The following DMTN variants were observed in gnomAD, a reference collection of about 807,000 sequenced individuals.
DMTN encodes dematin.
DMTN carries 27 observed loss-of-function variants against 59.4 expected under a neutral mutation model. The observed-to-expected ratio is 0.45, with a 90% CI of 0.33 to 0.63. DMTN has a LOEUF of 0.63. DMTN is among the 20% of genes least tolerant of loss of function. DMTN has a pLI of 0.02. For synonymous variants in DMTN, 221 were observed against 203.7 expected (o/e 1.08, Z -0.72); for missense variants, 451 against 528.9 (o/e 0.85, Z 1.45).
chr8:22,067,689 G>A lies in DMTN; in HGVS notation c.249+7G>A, dbSNP rs771825697. On this transcript the variant is annotated splice_region_variant and intron_variant, in intron 4 of 15. Coordinates refer to ENST00000358242, the MANE Select transcript of DMTN (RefSeq NM_001387751.1). ...GCTGCCTCGCAGCCGCGAGGTGAGG[G>A]GGCTCCTCTTGGGCAGGACTCCGGG... 8.7e-6 allele frequency: 14 copies of A among 1,613,266 alleles called. No individual in the cohort carries two copies. Among genetic ancestry groups the A allele is most frequent in the Middle Eastern group, 3.3e-4 (2 of 6,082 alleles).
chr8:22,051,633 C>T (rs1801364480), upstream of DMTN, among the ~76,000 whole-genome samples: 2 of 152,212 alleles, frequency 1.3e-5, no homozygotes, highest in South Asian at 4.1e-4. Context: ...CCCTCCCGCT[C>T]TGCTCTCTGT....
chr8:22,066,805 G>A lies in DMTN; in HGVS notation c.-71G>A. 1.4e-6 allele frequency: 2 copies of A among 1,410,594 alleles called. No individual in the cohort carries two copies. Among genetic ancestry groups the A allele is most frequent in the Non-Finnish European group, 1.9e-6 (2 of 1,078,310 alleles). 87.4% of individuals were successfully genotyped at this position (1,410,594 alleles called of 1,614,324 possible). A position where few individuals can be genotyped will look rare whatever the true frequency, so the allele number is the denominator to read the frequency against. ...GCGCAGCGCCCAGCAGCCGCGCCGAGCCTGACACGCTGTCCTCTCCCCTCG... is the reference window on the plus strand; with the variant it reads ...GCGCAGCGCCCAGCAGCCGCGCCGAACCTGACACGCTGTCCTCTCCCCTCG... On this transcript the variant is annotated 5_prime_UTR_variant, in exon 2 of 16. Coordinates refer to ENST00000358242, the MANE Select transcript of DMTN (RefSeq NM_001387751.1).
chr8:22,079,281 T>A (rs13265452), intron 10 of DMTN, among the ~76,000 whole-genome samples: 404 of 29,512 alleles, frequency 0.014, 9 homozygotes, highest in African/African-American at 0.034. Context: ...TAAATAAATA[T>A]ATATATATAT....
At chr8:22,051,183 G>A (rs1306439211), upstream of DMTN, among the ~76,000 whole-genome samples, 1 of 152,184 alleles carries the variant, frequency 6.6e-6, no homozygotes, top group African/African-American at 2.4e-5. Context: ...AGGGGAGGAT[G>A]TGACCAGGTG....
rs555181720 is a variant in DMTN at position 22,071,748 on chromosome 8, T to A, written c.605-578T>A. 8.0e-3 allele frequency among the ~76,000 whole-genome samples: 1,209 copies of A among 151,864 alleles called. 22 individuals carry two copies. The highest frequency in any genetic ancestry group is 0.02 in the Middle Eastern group (6 of 294). ...GCGCCCGCCACCACGCCCAGCTAAT[T>A]TTTTTGTATTTTTAATAGAGATGGG... is the stretch of plus-strand genomic sequence containing the variant. On this transcript the variant is annotated intron_variant, in intron 8 of 15. Coordinates refer to ENST00000358242, the MANE Select transcript of DMTN (RefSeq NM_001387751.1).
chr8:22,052,019 T>G (rs1420635716), upstream of DMTN, among the ~76,000 whole-genome samples: 1 of 152,170 alleles, frequency 6.6e-6, no homozygotes, highest in East Asian at 1.9e-4. Context: ...CATGTCCCCA[T>G]TCTCATTTGA....
chr8:22,052,512 C>T (rs933058076), upstream of DMTN, among the ~76,000 whole-genome samples: 2 of 152,150 alleles, frequency 1.3e-5, no homozygotes, highest in African/African-American at 2.4e-5. Flanking sequence ...CCCCCCACAA[C>T]ATTCAAGTCC....
Position 22,072,396 on chromosome 8 carries a change from C to T in DMTN, c.675C>T (p.Asp225=), listed in dbSNP as rs189373573. Residue 225 remains aspartate, a synonymous_variant, in exon 9 of 16, where the codon GAC becomes GAT. Transcript: ENST00000358242. Reference sequence around the variant, plus strand: ...AAGAGGAGGAGGAGGAAGATGACGACTCTGGAGAGGAGATGAAGGCTCTCA... The same window carrying T: ...AAGAGGAGGAGGAGGAAGATGACGATTCTGGAGAGGAGATGAAGGCTCTCA... ...AEEEEEEEDD[D]SGEEMKALRE... is the part of the protein sequence containing the mutation. The T allele has an allele frequency of 6.3e-7, 1 of 1,598,880 alleles. No individual in the cohort carries two copies. Among genetic ancestry groups the T allele is most frequent in the Admixed American group, 1.7e-5 (1 of 58,002 alleles).
intron 8 of DMTN, 44 bp from the exon 9 acceptor site, chr8:22,072,282 C>T (rs754089299): frequency 6.4e-6 from 10 of 1,567,480 alleles, no homozygotes; most frequent in Non-Finnish European, 1.7e-6. Context: ...CACACTGACC[C>T]CATGGCGAGT....
At chr8:22,079,303 A>ATATATATATATATATATATATATAT (rs67715172) in intron 10 of DMTN, among the ~76,000 whole-genome samples, 3 of 52,220 alleles carry the variant, frequency 5.7e-5, no homozygotes, top group Non-Finnish European at 7.9e-5. Flanking sequence ...TATATATATT[A>ATATATATATATATATATATATATAT]GCTGGGTTTG....
intron 6 of DMTN, 139 bp from the exon 7 acceptor site, chr8:22,069,742 A>G (rs1813750407): frequency 9.3e-7 from 1 of 1,073,334 alleles, no homozygotes; most frequent in South Asian, 1.4e-5. Context: ...GGGCAGTGCC[A>G]GGAATGCCAG....
intron 1 of DMTN, among the ~76,000 whole-genome samples, chr8:22,064,543 C>T (rs1385979563): frequency 6.6e-6 from 1 of 152,096 alleles, no homozygotes; most frequent in African/African-American, 2.4e-5. Flanking sequence ...ACTGCAAGCT[C>T]CGCCTCCTGG....
At chr8:22,080,137 AG>A (rs1563544849) in intron 10 of DMTN, 42 bp from the exon 11 acceptor site, 1 of 1,612,248 alleles carries the variant, frequency 6.2e-7, no homozygotes, top group South Asian at 1.1e-5. Flanking sequence ...AAGGGCTGTC[AG>A]GGCCAAAGGG....
rs1803931883 is a variant in DMTN, at chr8:22,058,395, T to A, written c.-172+1259T>A. Among the ~76,000 whole-genome samples, 1 of 152,036 alleles carries A rather than the reference T, an allele frequency of 6.6e-6. No individual in the cohort carries two copies. The highest frequency in any genetic ancestry group is 6.5e-5 in the Admixed American group (1 of 15,278). On this transcript the variant is annotated intron_variant, in intron 1 of 15. Coordinates refer to ENST00000358242, the MANE Select transcript of DMTN (RefSeq NM_001387751.1). The surrounding 1 kb of genome is among the most constrained non-coding windows in gnomAD (Gnocchi z 4.3). ...CCCCCAGCTCTGCCAGTCCCACTTG[T>A]ACAACAGGACCAGCTATAAATGGAG...
At position 22,080,873 on chromosome 8, in the gene DMTN, G is replaced by T; in HGVS notation, c.1023+3G>T. 6.4e-7 allele frequency: 1 copy of T among 1,566,444 alleles called. No homozygotes were observed. The highest frequency in any genetic ancestry group is 1.4e-5 in the African/African-American group (1 of 73,988). On this transcript the variant is annotated splice_donor_region_variant and intron_variant, in intron 14 of 15. Coordinates refer to ENST00000358242, the MANE Select transcript of DMTN (RefSeq NM_001387751.1). ...TGCCCTGTGTGCTGGAGCAGAAGGT[G>T]AGGGGCAGGGGACACAAGCGCCTGT...
upstream of DMTN, among the ~76,000 whole-genome samples, chr8:22,052,273 A>C (rs756413942): frequency 6.6e-6 from 1 of 152,232 alleles, no homozygotes; most frequent in African/African-American, 2.4e-5. Flanking sequence ...AGATGTAGAA[A>C]TAGTCCATCT....
rs555616444 is a variant in DMTN at position 22,067,568 on chromosome 8, T to G, written c.135T>G (p.Ala45=). The change falls in exon 4 of 16, where the codon GCT becomes GCG. Residue 45 remains alanine (A), a synonymous_variant. Coordinates refer to ENST00000358242, the MANE Select transcript of DMTN (RefSeq NM_001387751.1). ...DNQVLGYKDL[A]AIPKDKAILD... ...AGGTGCTGGGCTACAAGGACCTGGCTGCCATCCCCAAGGACAAGGCCATCC... is the reference window on the plus strand; with the variant it reads ...AGGTGCTGGGCTACAAGGACCTGGCGGCCATCCCCAAGGACAAGGCCATCC... The G allele has an allele frequency of 6.2e-7, 1 of 1,614,162 alleles. No homozygotes were observed. The highest frequency in any genetic ancestry group is 1.1e-5 in the South Asian group (1 of 91,080).
At position 22,070,312 on chromosome 8, in the gene DMTN, C is replaced by T. The variant is rs141465910; in HGVS notation, c.582C>T (p.Cys194=). ...PAKIETDYWP[C]PPSLAVVETE... ...AAATCGAAACCGACTACTGGCCATG[C>T]CCCCCGTCTCTGGCTGTTGTGGGTA... is the stretch of plus-strand genomic sequence containing the variant. The change falls in exon 8 of 16, where the codon TGC becomes TGT. Residue 194 remains cysteine (C), a synonymous_variant. Coordinates refer to ENST00000358242, the MANE Select transcript of DMTN (RefSeq NM_001387751.1). 7.7e-5 allele frequency: 124 copies of T among 1,610,502 alleles called. No individual in the cohort carries two copies. The highest frequency in any genetic ancestry group is 2.9e-4 in the Admixed American group (17 of 59,566).
At chr8:22,064,123 T>C (rs549368441) in intron 1 of DMTN, among the ~76,000 whole-genome samples, 1 of 151,944 alleles carries the variant, frequency 6.6e-6, no homozygotes, top group Non-Finnish European at 1.5e-5. Context: ...GATGGATGGA[T>C]AGATGCAGGA....
Sources: gnomAD v4.1 joint callset for allele counts (sites outside exome capture counted in the v4.1 genomes callset) on GRCh38, gnomAD v4.1.1 for gene constraint, Gnocchi (gnomAD v3.1) non-coding constraint, MANE v1.5 for transcripts, NCBI Gene and HGNC (gene_info 2026-07-23, HGNC 2026-07-21) for gene names.